Variants in DLC1 observed in about 807,000 individuals in gnomAD.
DLC1 encodes the protein DLC1 Rho GTPase activating protein.
Under a neutral mutation model 140.3 loss-of-function variants are expected in DLC1, and 54 were observed. That is an observed-to-expected ratio of 0.38 (90% CI 0.31 to 0.48). DLC1 has a LOEUF of 0.48. Ranked by LOEUF, DLC1 falls within the 20% of genes least tolerant of loss-of-function variation. The pLI is 0.96. For missense variants in DLC1, 2,536 were observed against 1,907.0 expected, an observed-to-expected ratio of 1.33 and a Z score of -6.14; for synonymous variants, 986 against 728.1, an observed-to-expected ratio of 1.35 and a Z score of -5.70.
chr8:13,125,462 CTTT>C (rs1160264910), intron 5 of DLC1, among the ~76,000 whole-genome samples: 1 of 152,186 alleles, frequency 6.6e-6, no homozygotes, highest in African/African-American at 2.4e-5. Context: ...CCTTATTGAT[CTTT>C]CATGTTTACA....
intron 5 of DLC1, among the ~76,000 whole-genome samples, chr8:13,146,438 AAAT>A (rs1416897985): frequency 2.0e-5 from 3 of 152,088 alleles, no homozygotes; most frequent in South Asian, 2.1e-4. Context: ...GTGATACTAA[AAAT>A]AATAACTTTT....
At chr8:13,205,700 A>G (rs1365234929) in intron 5 of DLC1, among the ~76,000 whole-genome samples, 2 of 152,258 alleles carry the variant, frequency 1.3e-5, no homozygotes, top group Non-Finnish European at 2.9e-5. Flanking sequence ...CTTGGGATGC[A>G]TGTAGTCCAC....
At chr8:13,537,381 G>C (rs1012594380) in intron 1 of DLC1, among the ~76,000 whole-genome samples, 5 of 152,162 alleles carry the variant, frequency 3.3e-5, no homozygotes, top group Non-Finnish European at 7.3e-5. Context: ...CTCACTGAGT[G>C]TTCTTTCATG....
At chr8:13,554,580 G>C (rs1803976078) in intron 1 of DLC1, among the ~76,000 whole-genome samples, 6 of 152,026 alleles carry the variant, frequency 3.9e-5, no homozygotes. Flanking sequence ...AATCCTTTCA[G>C]TTTCTCATCC....
chr8:13,396,621 A>C (rs965311558), intron 3 of DLC1, among the ~76,000 whole-genome samples: 2 of 152,174 alleles, frequency 1.3e-5, no homozygotes, highest in Non-Finnish European at 2.9e-5. Flanking sequence ...TCGTATCCCA[A>C]GGTAGAGCTG....
At chr8:13,126,960 T>C (rs1193943034) in intron 5 of DLC1, among the ~76,000 whole-genome samples, 1 of 152,200 alleles carries the variant, frequency 6.6e-6, no homozygotes, top group Non-Finnish European at 1.5e-5. Context: ...GAATGAAATA[T>C]CAAGTTCCCT....
intron 2 of DLC1, among the ~76,000 whole-genome samples, chr8:13,482,142 G>C (rs1403236674): frequency 1.3e-5 from 2 of 152,026 alleles, no homozygotes; most frequent in Non-Finnish European, 2.9e-5. Context: ...GACAGCCCAA[G>C]AAAATGAATA....
rs748265603 is a variant in DLC1 at position 13,401,602 on chromosome 8, T to A, written c.1041A>T (p.Arg347=). 11 of 1,613,388 alleles carry A rather than the reference T, an allele frequency of 6.8e-6. No homozygotes were observed. Among genetic ancestry groups the A allele is most frequent in the Non-Finnish European group, 8.5e-6 (10 of 1,179,786 alleles). The change falls in exon 3 of 18, where the codon CGA becomes CGT. Residue 347 remains arginine, a synonymous_variant. Transcript: ENST00000276297. ...LRKRKEIRED[R]DRARLDSMVL... ...CCATGGAGTCCAGCCGCGCCCTATC[T>A]CGATCTTCTCTTATTTCCTGAGGAA...
At chr8:13,381,106 C>G (rs1305079739) in intron 4 of DLC1, among the ~76,000 whole-genome samples, 1 of 152,108 alleles carries the variant, frequency 6.6e-6, no homozygotes, top group Non-Finnish European at 1.5e-5. Flanking sequence ...GTTGGGGTGT[C>G]TAGCTGGTAA....
intron 5 of DLC1, among the ~76,000 whole-genome samples, chr8:13,136,604 T>A (rs1258715362): frequency 6.6e-6 from 1 of 152,182 alleles, no homozygotes; most frequent in Non-Finnish European, 1.5e-5. Context: ...TGTCTGTGCA[T>A]CCCACTGAGG....
chr8:13,308,818 C>G (rs1344073300), intron 4 of DLC1, among the ~76,000 whole-genome samples: 2 of 152,084 alleles, frequency 1.3e-5, no homozygotes, highest in African/African-American at 4.8e-5. Context: ...GGGCGTGAAA[C>G]CCTTGGGCAG....
chr8:13,116,200 G>C lies in DLC1; in HGVS notation c.1349-543C>G, dbSNP rs1820545396. On this transcript the variant is annotated intron_variant, in intron 5 of 17. Transcript: ENST00000276297. ...GTACTCATCAGGTATTAATCCAGTAGGAGAGGCCCAGGCTGTCAAGGAACA... is the reference window on the plus strand; with the variant it reads ...GTACTCATCAGGTATTAATCCAGTACGAGAGGCCCAGGCTGTCAAGGAACA... 4 of 985,376 alleles carry C rather than the reference G, an allele frequency of 4.1e-6. No individual in the cohort carries two copies. The African/African-American group carries it at 7.0e-5, about 17-fold the overall frequency. The allele number at this position is 985,376 out of a possible 1,614,324, so 61.0% of individuals were successfully genotyped here.
intron 2 of DLC1, among the ~76,000 whole-genome samples, chr8:13,409,328 A>C (rs1837690665): frequency 6.6e-6 from 1 of 152,132 alleles, no homozygotes; most frequent in Non-Finnish European, 1.5e-5. Context: ...ATTAAGCCAT[A>C]CTATGTTTTA....
At chr8:13,571,767 T>C (rs1804660505) in intron 1 of DLC1, among the ~76,000 whole-genome samples, 1 of 152,198 alleles carries the variant, frequency 6.6e-6, no homozygotes, top group Admixed American at 6.5e-5. Flanking sequence ...ATGTTTAGCT[T>C]TTTGAGGAAG....
intron 1 of DLC1, among the ~76,000 whole-genome samples, chr8:13,527,142 GT>G (rs1383542559): frequency 1.3e-5 from 2 of 152,116 alleles, no homozygotes; most frequent in African/African-American, 4.8e-5. Context: ...TTGAGTGACT[GT>G]TGTTGTTGCT....
chr8:13,260,900 G>A (rs996395705), intron 5 of DLC1, among the ~76,000 whole-genome samples: 1 of 152,068 alleles, frequency 6.6e-6, no homozygotes, highest in Non-Finnish European at 1.5e-5. Flanking sequence ...TCTTTTAGTT[G>A]GTTCTCTAGA....
intron 5 of DLC1, among the ~76,000 whole-genome samples, chr8:13,262,181 A>G (rs1395005637): frequency 6.6e-6 from 1 of 152,210 alleles, no homozygotes; most frequent in Non-Finnish European, 1.5e-5. Context: ...GTGACTGAAT[A>G]TGTAAATGAA....
chr8:13,485,656 T>G (rs1263481313), intron 2 of DLC1, among the ~76,000 whole-genome samples: 5 of 152,212 alleles, frequency 3.3e-5, no homozygotes, highest in African/African-American at 1.2e-4. Context: ...AAGTTAGAAA[T>G]TAAATCTCGT....
At chr8:13,332,430 T>TGC (rs1833629165) in intron 4 of DLC1, among the ~76,000 whole-genome samples, 1 of 44,210 alleles carries the variant, frequency 2.3e-5, no homozygotes, top group Admixed American at 3.8e-4. Context: ...TGATTTTCTT[T>TGC]TGTCTTTTTT....
Sources: gnomAD v4.1 joint callset for allele counts (sites outside exome capture counted in the v4.1 genomes callset) on GRCh38, gnomAD v4.1.1 for gene constraint, MANE v1.5 for transcripts, NCBI Gene and HGNC (gene_info 2026-07-23, HGNC 2026-07-21) for gene names.